Variants in HHLA2 observed in about 807,000 individuals in gnomAD.
The protein encoded by HHLA2 is HHLA2 member of B7 family, also known as HERV-H LTR-associating protein 2.
HHLA2 carries 48 observed loss-of-function variants against 45.9 expected under a neutral mutation model. The ratio of observed to expected loss-of-function variants is 1.05; its 90% CI spans 0.83 to 1.33. The LOEUF is 1.33. Among genes scored for constraint, HHLA2 ranks in the 40% most tolerant of loss-of-function variants. The pLI is 0.00. For missense variants in HHLA2, 462 were observed against 494.3 expected (o/e 0.93, Z 0.62); for synonymous variants, 161 against 173.9 (o/e 0.93, Z 0.59).
chr3:108,336,458 A>C (rs952001430), intron 3 of HHLA2, among the ~76,000 whole-genome samples: 1 of 152,168 alleles, frequency 6.6e-6, no homozygotes, highest in Admixed American at 6.6e-5. Context: ...TCTTAGGGTG[A>C]CCCATCTCTT....
intron 8 of HHLA2, among the ~76,000 whole-genome samples, chr3:108,371,569 T>G (rs2082173250): frequency 1.3e-5 from 2 of 152,134 alleles, no homozygotes; most frequent in Admixed American, 6.5e-5. Context: ...GTGTGCTGTA[T>G]TCAGGAAACC....
intron 6 of HHLA2, among the ~76,000 whole-genome samples, chr3:108,355,729 C>G (rs921244479): frequency 6.6e-6 from 1 of 152,174 alleles, no homozygotes; most frequent in Non-Finnish European, 1.5e-5. Context: ...GATTTTCTAC[C>G]AGCATTGCTC....
At chr3:108,353,825 C>A (rs1230112453) in intron 5 of HHLA2, 45 bp downstream of exon 4, 1 of 1,401,288 alleles carries the variant, frequency 7.1e-7, no homozygotes, top group East Asian at 2.3e-5. Flanking sequence ...TGACATCATT[C>A]CATGTTATTA....
chr3:108,336,146 G>T (rs1392306875), intron 3 of HHLA2, among the ~76,000 whole-genome samples: 1 of 151,946 alleles, frequency 6.6e-6, no homozygotes, highest in African/African-American at 2.4e-5. Context: ...AAGAATAAAG[G>T]CAATGGACTA....
At chr3:108,308,838 A>AT (rs2080972294) in intron 1 of HHLA2, among the ~76,000 whole-genome samples, 1 of 152,024 alleles carries the variant, frequency 6.6e-6, no homozygotes, top group Non-Finnish European at 1.5e-5. Context: ...TCTTTTGCCC[A>AT]TTTTTTTAAA....
intron 2 of HHLA2, among the ~76,000 whole-genome samples, chr3:108,320,058 T>A (rs1323281373): frequency 6.6e-6 from 1 of 152,228 alleles, no homozygotes; most frequent in Non-Finnish European, 1.5e-5. Context: ...TTTTAATAAA[T>A]TCTGCAAGAT....
rs372038557 is a variant in HHLA2, at chr3:108,297,302, C to T, written c.-192+703C>T. Among the ~76,000 whole-genome samples the T allele has an allele frequency of 2.6e-5, 4 of 152,120 alleles. No individual in the cohort carries two copies. In the East Asian group the frequency reaches 7.7e-4, roughly 29 times the overall value. On this transcript the variant is annotated intron_variant, in intron 1 of 10. Transcript: ENST00000619531. The stretch of plus-strand genomic sequence containing the variant: ...CCTGACAAAACAAACTTGAGCTTCC[C>T]ATTTCCTAGAAACTTGGAGGAAATA...
chr3:108,358,376 C>T (rs1333339940), intron 7 of HHLA2, among the ~76,000 whole-genome samples: 1 of 152,146 alleles, frequency 6.6e-6, no homozygotes, highest in Non-Finnish European at 1.5e-5. Flanking sequence ...CCACAGATTT[C>T]CTTTCAGGAT....
rs113434929 is a variant in HHLA2, at chr3:108,308,389, A to G, written c.-191-2266A>G. 6.1e-3 allele frequency among the ~76,000 whole-genome samples: 930 copies of G among 152,328 alleles called. 18 individuals carry two copies. The highest frequency in any genetic ancestry group is 0.021 in the African/African-American group (887 of 41,572). On this transcript the variant is annotated intron_variant, in intron 1 of 10. Transcript: ENST00000619531. Reference sequence around the variant, plus strand: ...AGTTACTCCATTGTATATATGTACCACATTTTCTTTTATCCATTTATCTGT... The same window carrying G: ...AGTTACTCCATTGTATATATGTACCGCATTTTCTTTTATCCATTTATCTGT...
At chr3:108,358,417 AT>A (rs1471630367) in intron 7 of HHLA2, among the ~76,000 whole-genome samples, 2 of 152,106 alleles carry the variant, frequency 1.3e-5, no homozygotes, top group Non-Finnish European at 2.9e-5. Flanking sequence ...GAGGAAACAC[AT>A]TTTGATGACT....
At chr3:108,371,372 G>T (rs542786183) in intron 8 of HHLA2, among the ~76,000 whole-genome samples, 32 of 152,174 alleles carry the variant, frequency 2.1e-4, no homozygotes, top group East Asian at 1.5e-3. Flanking sequence ...TGCAAAAACA[G>T]GCCAAATTGT....
chr3:108,309,185 A>G (rs1277031942), intron 1 of HHLA2, among the ~76,000 whole-genome samples: 1 of 152,124 alleles, frequency 6.6e-6, no homozygotes, highest in Non-Finnish European at 1.5e-5. Flanking sequence ...TGATTTTTGT[A>G]TATGGCAAGA....
At chr3:108,337,587 C>T (rs769900434) in intron 3 of HHLA2, among the ~76,000 whole-genome samples, 4 of 152,088 alleles carry the variant, frequency 2.6e-5, no homozygotes, top group Non-Finnish European at 5.9e-5. Context: ...TGATGTCCTC[C>T]CTTAATCACT....
chr3:108,304,119 T>A (rs2080890967), intron 1 of HHLA2, among the ~76,000 whole-genome samples: 1 of 152,154 alleles, frequency 6.6e-6, no homozygotes, highest in Admixed American at 6.6e-5. Context: ...GTTCAATGTA[T>A]CATTGTATAA....
chr3:108,328,299 T>C, exon 3 of HHLA2: 2 of 1,528,648 alleles, frequency 1.3e-6, no homozygotes, highest in Non-Finnish European at 1.8e-6. Context: ...CCTGCACAGA[T>C]TGTGATGGTG....
Position 108,323,501 on chromosome 3 carries a change from T to G in HHLA2, c.-104-4769T>G, listed in dbSNP as rs951772591. The stretch of plus-strand genomic sequence containing the variant: ...AAGAAACAAAATTATAAACATGTAT[T>G]TAAGCTGCTGTCTTTACCCAGAAAT... On this transcript the variant is annotated intron_variant, in intron 2 of 10. Coordinates refer to ENST00000619531, the Ensembl canonical transcript of HHLA2. Among the ~76,000 whole-genome samples the G allele has an allele frequency of 7.6e-4, 115 of 152,296 alleles. 1 individual carries two copies. Among genetic ancestry groups the G allele is most frequent in the African/African-American group, 2.7e-3 (112 of 41,572 alleles).
intron 2 of HHLA2, among the ~76,000 whole-genome samples, chr3:108,319,727 G>A (rs187303539): frequency 2.0e-5 from 3 of 152,300 alleles, no homozygotes; most frequent in Non-Finnish European, 4.4e-5. Context: ...AGATGTGCTT[G>A]TACATTTTTC....
chr3:108,306,723 A>G (rs2080936517), intron 1 of HHLA2, among the ~76,000 whole-genome samples: 2 of 151,870 alleles, frequency 1.3e-5, no homozygotes, highest in Non-Finnish European at 2.9e-5. Flanking sequence ...ACATTTTCTC[A>G]CTTCATTTTG....
rs571712006 is a variant in HHLA2 at position 108,376,859 on chromosome 3, T to G, written c.1224+302T>G. 1.4e-4 allele frequency: 49 copies of G among 338,566 alleles called. 1 individual carries two copies. Among genetic ancestry groups the G allele is most frequent in the Non-Finnish European group, 2.3e-4 (43 of 183,832 alleles). The allele number at this position is 338,566 out of a possible 1,614,324, so 21.0% of individuals were successfully genotyped here. On this transcript the variant is annotated intron_variant, in intron 10 of 10. Coordinates refer to ENST00000619531, the Ensembl canonical transcript of HHLA2. ...GGGTGAGCCAATGTACTTATTCTTA[T>G]GATAGAAGCATGAAACATGGGATTG...
Sources: allele counts gnomAD v4.1 joint callset (sites outside exome capture counted in the v4.1 genomes callset), GRCh38; gene constraint gnomAD v4.1.1; transcripts MANE v1.5; gene names NCBI Gene and HGNC (gene_info 2026-07-23, HGNC 2026-07-21).